Variants in ANKRD28 observed in about 807,000 individuals in gnomAD.
The protein encoded by ANKRD28 is serine/threonine-protein phosphatase 6 regulatory ankyrin repeat subunit A.
Under a neutral mutation model 126.5 loss-of-function variants are expected in ANKRD28, and 44 were observed. The observed-to-expected ratio is 0.35, with a 90% CI of 0.27 to 0.45. ANKRD28 has a LOEUF of 0.45. Ranked by LOEUF, ANKRD28 falls within the 20% of genes least tolerant of loss-of-function variation. ANKRD28 has a pLI of 1.00. For synonymous variants in ANKRD28, 442 were observed against 468.5 expected (o/e 0.94, Z 0.73); for missense variants, 1,110 against 1,316.6 (o/e 0.84, Z 2.43).
In ANKRD28 at chr3:15,797,479, T is replaced by C. The variant is rs1202399062; in HGVS notation, c.-958A>G. The stretch of plus-strand genomic sequence containing the variant: ...AGGCAGAAATGGTGTTAGTGGAGAA[T>C]CCTAGTAGAACAAGCAGGCTGTGAA... On this transcript the variant is annotated 5_prime_UTR_variant, in exon 1 of 28. Coordinates refer to ENST00000683139, the MANE Select transcript of ANKRD28 (RefSeq NM_001349278.2). 1 of 984,824 alleles carries C rather than the reference T, an allele frequency of 1.0e-6. No individual in the cohort carries two copies. Among genetic ancestry groups the C allele is most frequent in the African/African-American group, 1.8e-5 (1 of 57,020 alleles). 61.0% of individuals were successfully genotyped at this position (984,824 alleles called of 1,614,324 possible).
In ANKRD28 at chr3:15,737,041, G is replaced by A. The variant is rs1226439707; in HGVS notation, c.544C>T (p.His182Tyr). ...TALHHAAFSG[H>Y]GEMVKLLLSR... is the part of the protein sequence containing the mutation. ...AATTGAATGCCACCTACCTCACCAT[G>A]TCCACTGAAAGCTGCATGATGTAAT... is the stretch of plus-strand genomic sequence containing the variant. Residue 182 changes from histidine to tyrosine, a missense_variant, in exon 5 of 28, where the codon CAT becomes TAT. Physicochemically the swap from His to Tyr is moderately conservative, Grantham distance 83. Coordinates refer to ENST00000683139, the MANE Select transcript of ANKRD28 (RefSeq NM_001349278.2). 6.2e-7 allele frequency: 1 copy of A among 1,613,822 alleles called. No homozygotes were observed. The highest frequency in any genetic ancestry group is 8.5e-7 in the Non-Finnish European group (1 of 1,179,860).
At chr3:15,753,933 ACT>A (rs1422190614) in intron 3 of ANKRD28, among the ~76,000 whole-genome samples, 1 of 152,232 alleles carries the variant, frequency 6.6e-6, no homozygotes, top group Non-Finnish European at 1.5e-5. Flanking sequence ...AGATAGTGAG[ACT>A]CTGTCTCAAA....
At chr3:15,767,700 TAAAAAAAAAAAAAAAAAAAAAA>T (rs57072807) in intron 2 of ANKRD28, among the ~76,000 whole-genome samples, 9 of 64,364 alleles carry the variant, frequency 1.4e-4, no homozygotes, top group African/African-American at 7.3e-4. Flanking sequence ...TAGTCTCTAC[TAAAAAAAAAAAAAAAAAAAAAA>T]AAAAAAAAAA....
intron 4 of ANKRD28, among the ~76,000 whole-genome samples, 190 bp from the exon 5 acceptor site, chr3:15,737,423 A>C (rs2075092824): frequency 7.4e-6 from 1 of 135,690 alleles, no homozygotes; most frequent in Admixed American, 7.6e-5. Context: ...GTAAAGCGAT[A>C]CTGAGAGTAC....
intron 1 of ANKRD28, among the ~76,000 whole-genome samples, chr3:15,806,927 T>A (rs189732854): frequency 8.5e-5 from 13 of 152,298 alleles, no homozygotes; most frequent in Admixed American, 8.5e-4. Context: ...AAATAATTTA[T>A]AAAATAAGAT....
At chr3:15,737,327 T>G in intron 4 of ANKRD28, 94 bp from the exon 5 acceptor site, 1 of 1,024,270 alleles carries the variant, frequency 9.8e-7, no homozygotes, top group Non-Finnish European at 1.4e-6. Context: ...TAAATATGTA[T>G]CTACATATGA....
At chr3:15,836,484 A>T (rs1297098802) in intron 1 of ANKRD28, among the ~76,000 whole-genome samples, 1 of 152,212 alleles carries the variant, frequency 6.6e-6, no homozygotes, top group East Asian at 1.9e-4. Context: ...AACCATTTCA[A>T]AAGTAATATT....
chr3:15,763,651 C>T (rs949267811), intron 3 of ANKRD28, among the ~76,000 whole-genome samples: 6 of 152,122 alleles, frequency 3.9e-5, no homozygotes, highest in African/African-American at 1.4e-4. Context: ...ATGGTGTAAG[C>T]GGCTGAAGAA....
Position 15,817,262 on chromosome 3 carries a change from T to TG in ANKRD28, c.28-21957dup, listed in dbSNP as rs201325509. Among the ~76,000 whole-genome samples the TG allele has an allele frequency of 0.014, 1,208 of 89,322 alleles. 8 individuals are homozygous for TG. The highest frequency in any genetic ancestry group is 0.023 in the Non-Finnish European group (867 of 37,220). 58.6% of individuals were successfully genotyped at this position (89,322 alleles called of 152,430 possible). On this transcript the variant is annotated intron_variant, in intron 1 of 27. Coordinates refer to the ANKRD28 transcript ENST00000399451. This position sits in a 1 kb window ranked among gnomAD's most constrained non-coding sequence, Gnocchi z 4.5. ...TTTTATCTTGTCAGTAGAAGTACCA[T>TG]GGTTTTTTTTTCCTTGTTATTTTGT...
At chr3:15,728,258 C>CTT (rs1193536814) in intron 6 of ANKRD28, among the ~76,000 whole-genome samples, 1 of 151,982 alleles carries the variant, frequency 6.6e-6, no homozygotes, top group African/African-American at 2.4e-5. Flanking sequence ...CTATTGCACA[C>CTT]TTAATAGACT....
rs888506102 is a variant in ANKRD28, at chr3:15,838,502, G to A, written c.27+20875C>T. Among the ~76,000 whole-genome samples, 2 of 152,154 alleles carry A rather than the reference G, an allele frequency of 1.3e-5. No individual in the cohort carries two copies. Among genetic ancestry groups the A allele is most frequent in the Admixed American group, 1.3e-4 (2 of 15,282 alleles). On this transcript the variant is annotated intron_variant, in intron 1 of 27. Transcript: ENST00000399451. The surrounding 1 kb of genome is among the most constrained non-coding windows in gnomAD (Gnocchi z 4.0). ...ACCTATAATCCCAGCACTTTGGGAG[G>A]CCGAGGCGGGCAGATCACCTGAGGT...
intron 3 of ANKRD28, among the ~76,000 whole-genome samples, chr3:15,765,828 C>A (rs1575595675): frequency 7.3e-6 from 1 of 137,080 alleles, no homozygotes; most frequent in South Asian, 2.5e-4. Context: ...AGCGAGACTC[C>A]ATCTCAAAAA....
intron 25 of ANKRD28, 64 bp from the exon 26 acceptor site, chr3:15,677,120 A>T: frequency 1.6e-6 from 2 of 1,263,996 alleles, no homozygotes; most frequent in Non-Finnish European, 2.3e-6. Flanking sequence ...TATACACCCA[A>T]CAATCTGCAA....
At chr3:15,709,432 G>A (rs1376233475) in intron 13 of ANKRD28, among the ~76,000 whole-genome samples, 1 of 152,200 alleles carries the variant, frequency 6.6e-6, no homozygotes, top group East Asian at 1.9e-4. Context: ...AAGTATAGAG[G>A]CATTTATAAG....
At chr3:15,722,184 G>C (rs535138376) in intron 7 of ANKRD28, among the ~76,000 whole-genome samples, 1 of 152,152 alleles carries the variant, frequency 6.6e-6, no homozygotes, top group Non-Finnish European at 1.5e-5. Context: ...CCTGATAAAA[G>C]AGTCTCTATT....
chr3:15,842,660 G>C (rs577927315), intron 1 of ANKRD28, among the ~76,000 whole-genome samples: 2 of 152,278 alleles, frequency 1.3e-5, no homozygotes, highest in Non-Finnish European at 2.9e-5. Context: ...GTTAGTATAT[G>C]CACTGCATGC....
chr3:15,825,263 G>A (rs1221710391), intron 1 of ANKRD28, among the ~76,000 whole-genome samples: 2 of 152,190 alleles, frequency 1.3e-5, no homozygotes, highest in African/African-American at 4.8e-5. Context: ...ATGGGCAGAC[G>A]ATAGGCATGA....
chr3:15,675,115 C>A (rs1203567322), intron 27 of ANKRD28, among the ~76,000 whole-genome samples: 1 of 152,104 alleles, frequency 6.6e-6, no homozygotes, highest in Admixed American at 6.5e-5. Flanking sequence ...ACTAAAAATA[C>A]AAAATTTAGC....
At chr3:15,735,677 A>C (rs1356823664) in intron 5 of ANKRD28, among the ~76,000 whole-genome samples, 180 bp from the exon 6 acceptor site, 1 of 152,224 alleles carries the variant, frequency 6.6e-6, no homozygotes, top group Non-Finnish European at 1.5e-5. Flanking sequence ...CATGAAAAAA[A>C]GGTTAACTGT....
Sources: gnomAD v4.1 joint callset for allele counts (sites outside exome capture counted in the v4.1 genomes callset) on GRCh38, gnomAD v4.1.1 for gene constraint, Gnocchi (gnomAD v3.1) non-coding constraint, MANE v1.5 for transcripts, NCBI Gene and HGNC (gene_info 2026-07-23, HGNC 2026-07-21) for gene names.